SPATA13: variants seen among roughly 807,000 people sequenced by gnomAD.
SPATA13 encodes the protein spermatogenesis-associated protein 13.
Under a neutral mutation model 104.0 loss-of-function variants are expected in SPATA13, and 50 were observed. The ratio of observed to expected loss-of-function variants is 0.48; its 90% confidence interval spans 0.38 to 0.61. The LOEUF is 0.61. Ranked by LOEUF, SPATA13 falls within the 20% of genes least tolerant of loss-of-function variation. SPATA13 has a pLI of 0.00. For missense variants in SPATA13, 1,524 were observed against 1,690.6 expected (o/e 0.90, Z 1.73); for synonymous variants, 606 against 667.5 (o/e 0.91, Z 1.42).
intron 3 of SPATA13, chr13:24,122,719 T>C: frequency 1.1e-6 from 1 of 905,630 alleles, no homozygotes; most frequent in Non-Finnish European, 1.9e-6. Context: ...AGGAGGAGCA[T>C]CATATCTGTA....
chr13:24,146,805 G>A (rs1244963728), intron 3 of SPATA13, among the ~76,000 whole-genome samples: 1 of 152,180 alleles, frequency 6.6e-6, no homozygotes, highest in Non-Finnish European at 1.5e-5. Context: ...TACACACTAC[G>A]GAATATCCTA....
chr13:24,254,846 C>A (rs527494584), intron 4 of SPATA13, among the ~76,000 whole-genome samples: 2 of 151,726 alleles, frequency 1.3e-5, no homozygotes, highest in South Asian at 2.1e-4. Flanking sequence ...TATGAACCCA[C>A]TGAGCAAGTA....
Position 23,990,287 on chromosome 13 carries a change from C to T in SPATA13, c.-147+6354C>T, listed in dbSNP as rs79411807. Among the ~76,000 whole-genome samples, 982 of 152,298 alleles carry T rather than the reference C, an allele frequency of 6.4e-3. 38 individuals carry two copies. The East Asian group carries it at 0.1, about 16-fold the overall frequency. ...TCTCTGGTTTTGTAAAACCATATCC[C>T]TGGCCAAAACCCTTTGATGGCCACC... is the stretch of plus-strand genomic sequence containing the variant. On this transcript the variant is annotated intron_variant, in intron 2 of 14. Coordinates refer to the SPATA13 transcript ENST00000424834.
chr13:24,138,115 C>T (rs947421107), intron 3 of SPATA13, among the ~76,000 whole-genome samples: 66 of 151,338 alleles, frequency 4.4e-4, no homozygotes, highest in African/African-American at 1.6e-3. Flanking sequence ...GCCTGGCCAA[C>T]ATGGTGAAAC....
intron 3 of SPATA13, among the ~76,000 whole-genome samples, chr13:24,069,345 T>C (rs1382757863): frequency 6.6e-6 from 1 of 152,230 alleles, no homozygotes. Flanking sequence ...ACCTCCCTGG[T>C]TAGCTGTATT....
intron 3 of SPATA13, among the ~76,000 whole-genome samples, chr13:24,140,967 G>A (rs540419665): frequency 7.2e-5 from 11 of 152,282 alleles, no homozygotes; most frequent in Admixed American, 2.0e-4. Flanking sequence ...CTGAGGTCAG[G>A]AGTTCGAGAC....
At chr13:24,191,571 G>A (rs1428302116) in intron 1 of SPATA13, among the ~76,000 whole-genome samples, 5 of 133,332 alleles carry the variant, frequency 3.8e-5, no homozygotes, top group African/African-American at 1.4e-4. Flanking sequence ...GTGCAGTGGC[G>A]TGATCTTGGC....
chr13:24,251,987 G>GTGA, intron 4 of SPATA13, 125 bp downstream of exon 4: 1 of 1,207,280 alleles, frequency 8.3e-7, no homozygotes, highest in East Asian at 2.5e-5. Context: ...TTGTCTGGGA[G>GTGA]TGAGGACGGC....
chr13:24,052,091 C>T (rs1451926339), intron 3 of SPATA13, among the ~76,000 whole-genome samples: 2 of 152,138 alleles, frequency 1.3e-5, no homozygotes, highest in African/African-American at 2.4e-5. Flanking sequence ...GCATCCTGTG[C>T]TGTGTCCAGG....
intron 3 of SPATA13, among the ~76,000 whole-genome samples, chr13:24,077,677 T>A (rs1196217679): frequency 6.6e-6 from 1 of 151,996 alleles, no homozygotes; most frequent in African/African-American, 2.4e-5. Flanking sequence ...ATTGGAAGAT[T>A]CAGGTCACAG....
intron 3 of SPATA13, among the ~76,000 whole-genome samples, chr13:24,067,568 A>G (rs150788533): frequency 9.2e-5 from 14 of 152,348 alleles, no homozygotes; most frequent in Non-Finnish European, 1.5e-4. Context: ...CAAATTTAAA[A>G]TCCATTGAGA....
At chr13:24,189,953 T>TTA (rs199875275) in intron 1 of SPATA13, among the ~76,000 whole-genome samples, 12,058 of 18,134 alleles carry the variant, frequency 0.66, 4,586 homozygotes, top group Middle Eastern at 0.92. Context: ...ACATAATATA[T>TTA]TATATAATTA....
At chr13:24,121,926 A>G (rs757730684) in intron 3 of SPATA13, 11 of 643,670 alleles carry the variant, frequency 1.7e-5, no homozygotes, top group Non-Finnish European at 2.7e-5. Context: ...ATCGGGTCCC[A>G]TCTCCTGGGG....
chr13:24,147,117 T>C (rs138648811), intron 3 of SPATA13, among the ~76,000 whole-genome samples: 1 of 152,246 alleles, frequency 6.6e-6, no homozygotes, highest in Non-Finnish European at 1.5e-5. Flanking sequence ...GTTCAGATAA[T>C]TTTTTTCTTA....
At chr13:24,294,212 G>GT (rs1876596668) in intron 9 of SPATA13, among the ~76,000 whole-genome samples, 1 of 152,226 alleles carries the variant, frequency 6.6e-6, no homozygotes, top group Admixed American at 6.5e-5. Flanking sequence ...AGGAAGATCT[G>GT]TTGGTGAGGC....
intron 1 of SPATA13, among the ~76,000 whole-genome samples, chr13:24,213,382 T>C (rs1871126674): frequency 6.6e-6 from 1 of 152,220 alleles, no homozygotes; most frequent in Non-Finnish European, 1.5e-5. Flanking sequence ...TTCTTTTGCC[T>C]CAGCCTCACG....
chr13:24,064,374 G>A (rs1433368848), intron 3 of SPATA13, among the ~76,000 whole-genome samples: 1 of 152,132 alleles, frequency 6.6e-6, no homozygotes, highest in Non-Finnish European at 1.5e-5. Context: ...GGAGAAACCT[G>A]GCTGCAATGG....
chr13:24,073,936 C>G (rs895531855), intron 3 of SPATA13, among the ~76,000 whole-genome samples: 2 of 152,236 alleles, frequency 1.3e-5, no homozygotes, highest in Non-Finnish European at 2.9e-5. Flanking sequence ...TTGCACACCA[C>G]AATAAACTTT....
chr13:24,220,041 C>T (rs1871486479), intron 1 of SPATA13, among the ~76,000 whole-genome samples: 1 of 152,176 alleles, frequency 6.6e-6, no homozygotes, highest in Admixed American at 6.5e-5. Context: ...TTGCTTTGCT[C>T]TTGCCAGTTT....
Sources: gnomAD v4.1 joint callset for allele counts (sites outside exome capture counted in the v4.1 genomes callset) on GRCh38, gnomAD v4.1.1 for gene constraint, MANE v1.5 for transcripts, NCBI Gene and HGNC (gene_info 2026-07-23, HGNC 2026-07-21) for gene names.